MACROD2: variants seen among roughly 807,000 people sequenced by gnomAD.
MACROD2 encodes mono-ADP ribosylhydrolase 2, also known as ADP-ribose glycohydrolase MACROD2.
A neutral mutation model predicts 70.4 loss-of-function variants in MACROD2; 36 were observed. The observed-to-expected ratio is 0.51, with a 90% confidence interval of 0.39 to 0.68. The LOEUF is 0.68. MACROD2 is among the 30% of genes least tolerant of loss of function. The pLI is 0.00. For synonymous variants in MACROD2, 172 were observed against 178.8 expected (o/e 0.96, Z 0.30); for missense variants, 496 against 538.4 (o/e 0.92, Z 0.78).
At chr20:14,333,476 G>A (rs1433712518) in intron 3 of MACROD2, among the ~76,000 whole-genome samples, 2 of 152,106 alleles carry the variant, frequency 1.3e-5, no homozygotes, top group South Asian at 2.1e-4. Context: ...TTGTAAGAAC[G>A]AGTAAGATAT....
intron 5 of MACROD2, among the ~76,000 whole-genome samples, chr20:14,833,218 C>A (rs1449881743): frequency 6.6e-6 from 1 of 152,144 alleles, no homozygotes; most frequent in Non-Finnish European, 1.5e-5. Flanking sequence ...ACTCTCATTC[C>A]ATACGTGGGG....
rs940506809 is a variant in MACROD2 at position 15,390,379 on chromosome 20, C to T, written c.541-41026C>T. Among the ~76,000 whole-genome samples, 8 of 151,892 alleles carry T rather than the reference C, an allele frequency of 5.3e-5. 1 individual carries two copies. In the South Asian group the frequency reaches 1.5e-3, roughly 28 times the overall value. On this transcript the variant is annotated intron_variant, in intron 6 of 17. Coordinates refer to ENST00000684519, the MANE Select transcript of MACROD2 (RefSeq NM_001351661.2). Reference sequence around the variant, plus strand: ...ACATTCACCAGTTTCATTTTTTTTTCTTGGGCAGTTATTACCATCTAAATA... The same window carrying T: ...ACATTCACCAGTTTCATTTTTTTTTTTTGGGCAGTTATTACCATCTAAATA...
intron 6 of MACROD2, among the ~76,000 whole-genome samples, chr20:15,299,536 C>T (rs1309793890): frequency 1.3e-5 from 2 of 152,180 alleles, no homozygotes; most frequent in African/African-American, 4.8e-5. Flanking sequence ...ATTTTGGCCT[C>T]TCTAAATCAG....
chr20:15,323,941 T>C (rs1158345277), intron 6 of MACROD2, among the ~76,000 whole-genome samples: 1 of 152,136 alleles, frequency 6.6e-6, no homozygotes. Flanking sequence ...CCCTTGACTT[T>C]ATTTTAAATA....
chr20:14,457,009 T>C (rs1206602945), intron 3 of MACROD2, among the ~76,000 whole-genome samples: 1 of 152,064 alleles, frequency 6.6e-6, no homozygotes, highest in Non-Finnish European at 1.5e-5. Flanking sequence ...GCAGCTATTA[T>C]GCTTGTCTCC....
chr20:15,935,084 T>C (rs1275098639), intron 11 of MACROD2, among the ~76,000 whole-genome samples: 1 of 152,100 alleles, frequency 6.6e-6, no homozygotes, highest in Non-Finnish European at 1.5e-5. Context: ...CACATACACA[T>C]GTATGCATGC....
At chr20:15,351,202 G>T (rs1294622164) in intron 6 of MACROD2, among the ~76,000 whole-genome samples, 1 of 151,984 alleles carries the variant, frequency 6.6e-6, no homozygotes, top group Non-Finnish European at 1.5e-5. Context: ...GACACAAGAG[G>T]GCACAACAAC....
At chr20:15,232,428 T>C (rs931755410) in intron 6 of MACROD2, among the ~76,000 whole-genome samples, 6 of 152,058 alleles carry the variant, frequency 3.9e-5, no homozygotes, top group African/African-American at 9.7e-5. Context: ...TTGCCACTTA[T>C]TACTGTGTGA....
At chr20:14,729,075 T>A (rs1479644220) in intron 5 of MACROD2, among the ~76,000 whole-genome samples, 1 of 152,142 alleles carries the variant, frequency 6.6e-6, no homozygotes, top group African/African-American at 2.4e-5. Context: ...AGTATTTTAA[T>A]TGTTTAGTAT....
chr20:14,399,141 T>G (rs897256294), intron 3 of MACROD2, among the ~76,000 whole-genome samples: 1 of 151,956 alleles, frequency 6.6e-6, no homozygotes, highest in Non-Finnish European at 1.5e-5. Flanking sequence ...TGCCTCAGCC[T>G]TCCGAGTAGC....
At chr20:14,702,597 G>A (rs62202947) in intron 5 of MACROD2, among the ~76,000 whole-genome samples, 1,794 of 3,184 alleles carry the variant, frequency 0.56, 452 homozygotes, top group East Asian at 0.7. Flanking sequence ...GTATATATAT[G>A]TGTGTATATA....
intron 3 of MACROD2, among the ~76,000 whole-genome samples, chr20:14,476,415 G>A (rs1448832665): frequency 6.6e-6 from 1 of 152,136 alleles, no homozygotes; most frequent in East Asian, 1.9e-4. Flanking sequence ...GAGTACAGTG[G>A]CGCAATCTCA....
At chr20:14,098,085 C>G (rs181865800) in intron 3 of MACROD2, among the ~76,000 whole-genome samples, 13 of 152,280 alleles carry the variant, frequency 8.5e-5, no homozygotes, top group African/African-American at 3.1e-4. Flanking sequence ...TAAAGAGATA[C>G]AAAGTACTTC....
chr20:14,202,618 T>G (rs1040930260), intron 3 of MACROD2, among the ~76,000 whole-genome samples: 52 of 152,166 alleles, frequency 3.4e-4, no homozygotes, highest in African/African-American at 1.2e-3. Flanking sequence ...AACCTCTAAA[T>G]CAGAAGTAAA....
chr20:15,442,116 A>T (rs1316320817), intron 7 of MACROD2, among the ~76,000 whole-genome samples: 1 of 152,148 alleles, frequency 6.6e-6, no homozygotes, highest in Non-Finnish European at 1.5e-5. Context: ...ACTTGTGTCT[A>T]AAGGGTAAAC....
At chr20:15,675,492 C>T (rs886658256) in intron 8 of MACROD2, among the ~76,000 whole-genome samples, 5 of 152,168 alleles carry the variant, frequency 3.3e-5, no homozygotes, top group Non-Finnish European at 7.3e-5. Context: ...TTTCAGAGTT[C>T]TTCAATGCAT....
At chr20:15,534,314 CTA>C (rs959453850) in intron 8 of MACROD2, among the ~76,000 whole-genome samples, 18 of 152,244 alleles carry the variant, frequency 1.2e-4, no homozygotes, top group East Asian at 5.8e-4. Flanking sequence ...AGTTATGTCT[CTA>C]TGTGCAAATT....
intron 10 of MACROD2, among the ~76,000 whole-genome samples, chr20:15,908,090 A>G (rs1244773848): frequency 6.6e-6 from 1 of 152,224 alleles, no homozygotes; most frequent in Admixed American, 6.5e-5. Flanking sequence ...TGGAGGGTAC[A>G]GACCATTATA....
At chr20:15,187,524 A>G (rs172019) in intron 5 of MACROD2, among the ~76,000 whole-genome samples, 151,453 of 152,254 alleles carry the variant, frequency 0.99, 75,327 homozygotes, top group East Asian at 1. Flanking sequence ...CACAACAGGG[A>G]CCATTTCAAT....
Sources: allele counts gnomAD v4.1 joint callset (sites outside exome capture counted in the v4.1 genomes callset), GRCh38; gene constraint gnomAD v4.1.1; transcripts MANE v1.5; gene names NCBI Gene and HGNC (gene_info 2026-07-23, HGNC 2026-07-21).